The following CCDC148 variants were observed in gnomAD, a reference collection of about 807,000 sequenced individuals.
CCDC148 encodes the protein coiled-coil domain containing 148, also known as coiled-coil domain-containing protein 148.
In CCDC148, 89 loss-of-function variants were observed where a neutral mutation model predicts 85.7. That is an observed-to-expected ratio of 1.04 (90% CI 0.87 to 1.24). The LOEUF is 1.24. Among genes scored for constraint, CCDC148 ranks in the 50% most tolerant of loss-of-function variants. The probability of loss-of-function intolerance (pLI) is 0.00; values close to 1 mark genes in which losing one functional copy is unlikely to be tolerated. For synonymous variants in CCDC148, 230 were observed against 213.9 expected, an observed-to-expected ratio of 1.08 and a Z score of -0.66; for missense variants, 692 against 671.7, an observed-to-expected ratio of 1.03 and a Z score of -0.33.
intron 10 of CCDC148, among the ~76,000 whole-genome samples, chr2:158,235,091 C>A (rs540990900): frequency 6.6e-6 from 1 of 151,964 alleles, no homozygotes; most frequent in Non-Finnish European, 1.5e-5. Flanking sequence ...AGTTTACCTA[C>A]GTAACAAACC....
chr2:158,360,892 A>G (rs559024286), intron 1 of CCDC148, among the ~76,000 whole-genome samples: 1 of 152,148 alleles, frequency 6.6e-6, no homozygotes, highest in East Asian at 2.0e-4. Context: ...CTAAAGGAGC[A>G]TTTCTAACCT....
At chr2:158,319,131 T>C (rs1304458475) in intron 7 of CCDC148, among the ~76,000 whole-genome samples, 1 of 152,168 alleles carries the variant, frequency 6.6e-6, no homozygotes, top group Non-Finnish European at 1.5e-5. Context: ...TTTTAATAAT[T>C]ACATTCATCA....
chr2:158,373,243 T>C (rs1165611421), intron 1 of CCDC148, among the ~76,000 whole-genome samples: 2 of 151,918 alleles, frequency 1.3e-5, no homozygotes, highest in South Asian at 2.1e-4. Context: ...AGCCTCTAGA[T>C]GCTAGAAAAG....
chr2:158,240,373 T>A (rs1355179690), intron 10 of CCDC148, among the ~76,000 whole-genome samples: 1 of 151,410 alleles, frequency 6.6e-6, no homozygotes, highest in African/African-American at 2.4e-5. Context: ...TTATATAAAC[T>A]GACAATATTT....
chr2:158,301,347 A>G (rs552862350), intron 9 of CCDC148, among the ~76,000 whole-genome samples: 8 of 152,374 alleles, frequency 5.3e-5, no homozygotes, highest in Admixed American at 4.6e-4. Context: ...GTAAGAGAAA[A>G]GAGGAAGCTA....
chr2:158,423,462 G>A (rs1292520660), intron 1 of CCDC148, among the ~76,000 whole-genome samples: 1 of 152,166 alleles, frequency 6.6e-6, no homozygotes, highest in Non-Finnish European at 1.5e-5. Flanking sequence ...AACGAGCAAT[G>A]GGGAAAGGAT....
chr2:158,429,140 G>C (rs1003838262), intron 1 of CCDC148, among the ~76,000 whole-genome samples: 1 of 150,964 alleles, frequency 6.6e-6, no homozygotes, highest in Non-Finnish European at 1.5e-5. Context: ...CTGTCGTGGG[G>C]TGGGGGCAGG....
In CCDC148 at chr2:158,217,336, G is replaced by GTGTGTATA. The variant is rs59724353; in HGVS notation, c.1370+3258_1370+3259insTATACACA. On this transcript the variant is annotated intron_variant, in intron 11 of 13. Coordinates refer to ENST00000283233, the MANE Select transcript of CCDC148 (RefSeq NM_138803.4). ...TATATATATATATATATAATTTTGT[G>GTGTGTATA]TATATATATATATATATATAAAATT... is the stretch of plus-strand genomic sequence containing the variant. Among the ~76,000 whole-genome samples, 68 of 137,684 alleles carry GTGTGTATA rather than the reference G, an allele frequency of 4.9e-4. 1 individual carries two copies. Among genetic ancestry groups the GTGTGTATA allele is most frequent in the Middle Eastern group, 3.8e-3 (1 of 266 alleles). 90.3% of individuals were successfully genotyped at this position (137,684 alleles called of 152,430 possible).
intron 7 of CCDC148, among the ~76,000 whole-genome samples, chr2:158,321,696 G>A (rs908613558): frequency 6.6e-6 from 1 of 152,102 alleles, no homozygotes; most frequent in Non-Finnish European, 1.5e-5. Context: ...GTAAGCATTT[G>A]TTTATTTCAC....
At chr2:158,418,927 G>A (rs2105321163) in intron 1 of CCDC148, among the ~76,000 whole-genome samples, 1 of 152,256 alleles carries the variant, frequency 6.6e-6, no homozygotes. Context: ...ACTTTTAGAA[G>A]AGTGAAAGAA....
At position 158,310,599 on chromosome 2, in the gene CCDC148, C is replaced by T. The variant is rs533862986; in HGVS notation, c.904-960G>A. On this transcript the variant is annotated intron_variant, in intron 8 of 13. Transcript: ENST00000283233. Reference sequence around the variant, plus strand: ...TGCCGGGCGGAGGGGCTCCTCACTTCTCAGACGGGGCGGCCAGGTAGAGGC... The same window carrying T: ...TGCCGGGCGGAGGGGCTCCTCACTTTTCAGACGGGGCGGCCAGGTAGAGGC... Among the ~76,000 whole-genome samples the T allele has an allele frequency of 1.2e-3, 178 of 151,886 alleles. 1 individual carries two copies. Among genetic ancestry groups the T allele is most frequent in the African/African-American group, 4.0e-3 (166 of 41,404 alleles).
Position 158,171,366 on chromosome 2 carries a change from A to G in CCDC148, c.*747T>C, listed in dbSNP as rs1684316929. ...ATTTTTTAGAAATAGTCAAATATTT[A>G]TGTTTGAGTTTTATTTTAAATGCTC... On this transcript the variant is annotated 3_prime_UTR_variant, in exon 14 of 14. Coordinates refer to ENST00000283233, the MANE Select transcript of CCDC148 (RefSeq NM_138803.4). 1 of 151,948 alleles carries G rather than the reference A, an allele frequency of 6.6e-6. No individual in the cohort carries two copies. Among genetic ancestry groups the G allele is most frequent in the Non-Finnish European group, 1.5e-5 (1 of 67,958 alleles). 9.4% of individuals were successfully genotyped at this position (151,948 alleles called of 1,614,324 possible).
chr2:158,444,272 A>G (rs1358528787), intron 1 of CCDC148, among the ~76,000 whole-genome samples: 1 of 152,202 alleles, frequency 6.6e-6, no homozygotes, highest in East Asian at 1.9e-4. Flanking sequence ...TATAAGGGAA[A>G]TCAAAAGGTT....
chr2:158,365,763 A>G (rs367740062), intron 1 of CCDC148, among the ~76,000 whole-genome samples: 1 of 152,116 alleles, frequency 6.6e-6, no homozygotes, highest in Non-Finnish European at 1.5e-5. Context: ...TATGTAACAA[A>G]CCTTCACATT....
intron 9 of CCDC148, among the ~76,000 whole-genome samples, chr2:158,285,699 T>A (rs1158938662): frequency 1.4e-5 from 2 of 147,200 alleles, no homozygotes; most frequent in Non-Finnish European, 3.0e-5. Context: ...CCCGGCTAAT[T>A]TTTTTTTTTT....
intron 1 of CCDC148, among the ~76,000 whole-genome samples, chr2:158,434,008 A>T (rs927894350): frequency 6.6e-6 from 1 of 152,224 alleles, no homozygotes; most frequent in Non-Finnish European, 1.5e-5. Context: ...CAGATCAAGG[A>T]GGCCTGCCTG....
intron 1 of CCDC148, among the ~76,000 whole-genome samples, chr2:158,437,250 C>T (rs1189626043): frequency 2.0e-5 from 3 of 152,150 alleles, no homozygotes; most frequent in Admixed American, 6.5e-5. Flanking sequence ...TAAACCGAAT[C>T]CAGCAGCACA....
chr2:158,229,060 C>T (rs1278828023), intron 10 of CCDC148, among the ~76,000 whole-genome samples: 1 of 152,070 alleles, frequency 6.6e-6, no homozygotes, highest in African/African-American at 2.4e-5. Flanking sequence ...GTCTGAATGC[C>T]CTTCCAACCT....
rs762560897 is a variant in CCDC148 at position 158,217,374 on chromosome 2, G to GTATATATATATATA, written c.1370+3207_1370+3220dup. ...TATATATAAAATTTTGTGTGTGTGT[G>GTATATATATATATA]TATATATATATATATATATACACAC... On this transcript the variant is annotated intron_variant, in intron 11 of 13. Coordinates refer to ENST00000283233, the MANE Select transcript of CCDC148 (RefSeq NM_138803.4). 5.4e-4 allele frequency among the ~76,000 whole-genome samples: 53 copies of GTATATATATATATA among 98,516 alleles called. 1 individual carries two copies. Among genetic ancestry groups the GTATATATATATATA allele is most frequent in the Middle Eastern group, 5.3e-3 (1 of 188 alleles). 64.6% of individuals were successfully genotyped at this position (98,516 alleles called of 152,430 possible).
Sources: allele counts gnomAD v4.1 joint callset (sites outside exome capture counted in the v4.1 genomes callset), GRCh38; gene constraint gnomAD v4.1.1; transcripts MANE v1.5; gene names NCBI Gene and HGNC (gene_info 2026-07-23, HGNC 2026-07-21).